UMODL1: variants seen among roughly 807,000 people sequenced by gnomAD.
The protein encoded by UMODL1 is uromodulin-like 1.
Under a neutral mutation model 136.3 loss-of-function variants are expected in UMODL1, and 128 were observed. That is an observed-to-expected ratio of 0.94 (90% CI 0.81 to 1.09). The LOEUF is 1.09. UMODL1 is among the 50% of genes least tolerant of loss of function. The pLI is 0.00. For synonymous variants in UMODL1, 721 were observed against 720.0 expected, an observed-to-expected ratio of 1.00 and a Z score of -0.02; for missense variants, 1,766 against 1,725.6, an observed-to-expected ratio of 1.02 and a Z score of -0.41.
intron 2 of UMODL1, among the ~76,000 whole-genome samples, chr21:42,077,326 T>C (rs372991903): frequency 1.1e-4 from 16 of 152,004 alleles, no homozygotes; most frequent in East Asian, 3.9e-4. Flanking sequence ...GAAAACGCCA[T>C]ACTTTGAGAC....
chr21:42,106,048 C>T (rs1267878846), intron 9 of UMODL1, among the ~76,000 whole-genome samples: 3 of 152,286 alleles, frequency 2.0e-5, no homozygotes, highest in South Asian at 2.1e-4. Flanking sequence ...GGTGCTGGTG[C>T]GGGCAGGTCT....
Position 42,109,652 on chromosome 21 carries a change from G to T in UMODL1, c.1610G>T (p.Arg537Leu), listed in dbSNP as rs200089575. The change falls in exon 10 of 23, where the codon CGT becomes CTT. Residue 537 changes from arginine to leucine, a missense_variant. By Grantham distance (102) the Arg-to-Leu change is moderately radical. Coordinates refer to ENST00000408910, the MANE Select transcript of UMODL1 (RefSeq NM_001004416.3). Reference protein sequence around the residue: ...NLEGSYTCQCRTTRDATPSRA... With the variant: ...NLEGSYTCQCLTTRDATPSRA... ...GAGGGCTCCTACACCTGCCAGTGCC[G>T]TACCACCAGGGACGCCACCCCCTCC... is the stretch of plus-strand genomic sequence containing the variant. 2 of 1,608,842 alleles carry T rather than the reference G, an allele frequency of 1.2e-6. No homozygotes were observed. The highest frequency in any genetic ancestry group is 1.3e-5 in the African/African-American group (1 of 75,026).
chr21:42,109,553 C>T lies in UMODL1; in HGVS notation c.1520-9C>T, dbSNP rs771361663. 6.2e-7 allele frequency: 1 copy of T among 1,610,246 alleles called. No individual in the cohort carries two copies. The highest frequency in any genetic ancestry group is 8.5e-7 in the Non-Finnish European group (1 of 1,179,954). ...TCTCATGGGTTTTGATTGTGTCTCC[C>T]CCTGGCAGACTGGGACGAGTGTGTG... is the stretch of plus-strand genomic sequence containing the variant. On this transcript the variant is annotated splice_polypyrimidine_tract_variant and intron_variant, in intron 9 of 22. Coordinates refer to ENST00000408910, the MANE Select transcript of UMODL1 (RefSeq NM_001004416.3).
intron 9 of UMODL1, among the ~76,000 whole-genome samples, chr21:42,108,752 GC>G (rs1220478036): frequency 1.3e-5 from 2 of 149,446 alleles, no homozygotes; most frequent in African/African-American, 4.9e-5. Context: ...CCTCAGGCGG[GC>G]CCCCCGGTGA....
chr21:42,113,365 A>G (rs368840096), intron 12 of UMODL1, among the ~76,000 whole-genome samples: 23 of 152,240 alleles, frequency 1.5e-4, no homozygotes, highest in African/African-American at 5.5e-4. Flanking sequence ...ATTTGCTATC[A>G]TCCCAAGGAG....
At position 42,099,384 on chromosome 21, in the gene UMODL1, C is replaced by T. The variant is rs1415903044; in HGVS notation, c.1186+204C>T. 6.6e-6 allele frequency among the ~76,000 whole-genome samples: 1 copy of T among 152,172 alleles called. No homozygotes were observed. Among genetic ancestry groups the T allele is most frequent in the Non-Finnish European group, 1.5e-5 (1 of 68,024 alleles). ...CCGCTGGTGCCTTCACTGGCTCCCT[C>T]GCTTCCCTACATGTCGTCCTGTTAG... is the stretch of plus-strand genomic sequence containing the variant. On this transcript the variant is annotated intron_variant, in intron 7 of 22. Coordinates refer to ENST00000408910, the MANE Select transcript of UMODL1 (RefSeq NM_001004416.3). This position sits in a 1 kb window ranked among gnomAD's most constrained non-coding sequence, Gnocchi z 4.1.
At chr21:42,120,681 A>C (rs17114410) in intron 15 of UMODL1, 2,373 of 161,532 alleles carry the variant, frequency 0.015, 38 homozygotes, top group African/African-American at 0.035. Context: ...TGCTGTCAAC[A>C]ATCAACCCAG....
At chr21:42,086,138 A>G (rs1601191553) in intron 4 of UMODL1, among the ~76,000 whole-genome samples, 1 of 152,108 alleles carries the variant, frequency 6.6e-6, no homozygotes, top group African/African-American at 2.4e-5. Context: ...GCGTGTCCCC[A>G]AGGCCGCCCT....
chr21:42,133,922 C>T (rs111498610), intron 21 of UMODL1, among the ~76,000 whole-genome samples: 6,271 of 58,378 alleles, frequency 0.11, 195 homozygotes, highest in Middle Eastern at 0.24. Context: ...TGTTTTGTTT[C>T]GTTTTGTTTT....
chr21:42,090,333 T>A lies in UMODL1; in HGVS notation c.826T>A (p.Cys276Ser). The A allele has an allele frequency of 1.9e-6, 3 of 1,614,176 alleles. No individual in the cohort carries two copies. The highest frequency in any genetic ancestry group is 2.5e-6 in the Non-Finnish European group (3 of 1,180,042). ...NECFYEELNA[C>S]SGRELCANLE... ...GTGTTTCTATGAGGAGCTCAATGCC[T>A]GCTCTGGAAGGGAACTGTGCGCAAA... The change falls in exon 6 of 23, where the codon TGC becomes AGC. Residue 276 changes from cysteine to serine, a missense_variant. Cys to Ser is a moderately radical substitution (Grantham distance 112, BLOSUM62 -1). Transcript: ENST00000408910.
Position 42,142,440 on chromosome 21 carries a change from A to G in UMODL1, c.*366A>G, listed in dbSNP as rs2236704. On this transcript the variant is annotated 3_prime_UTR_variant, in exon 23 of 23. Coordinates refer to ENST00000408910, the MANE Select transcript of UMODL1 (RefSeq NM_001004416.3). ...GCAGCCTAGACCTCCCAGGCCTGTG[A>G]CCCTCCACACCAGCCCTCAGAACCC... 0.038 allele frequency: 5,840 copies of G among 152,146 alleles called. 204 individuals carry two copies. Among genetic ancestry groups the G allele is most frequent in the East Asian group, 0.18 (949 of 5,162 alleles). 9.4% of individuals were successfully genotyped at this position (152,146 alleles called of 1,614,324 possible).
At chr21:42,063,601 C>T (rs958685535) in intron 1 of UMODL1, among the ~76,000 whole-genome samples, 1 of 144,620 alleles carries the variant, frequency 6.9e-6, no homozygotes, top group Admixed American at 6.8e-5. Flanking sequence ...CTCACCTGAT[C>T]GTTAGGACAG....
chr21:42,122,973 G>C lies in UMODL1; in HGVS notation c.2970G>C (p.Arg990Ser). The change falls in exon 17 of 23, where the codon AGG becomes AGC. Residue 990 changes from arginine to serine, a missense_variant. Transcript: ENST00000408910. This position sits in a 1 kb window ranked among gnomAD's most constrained non-coding sequence, Gnocchi z 4.3. Reference protein sequence around the residue: ...PQRLNLTGAVRVLCEIEKVVV... With the variant: ...PQRLNLTGAVSVLCEIEKVVV... ...GGCTGAACCTGACCGGAGCAGTCAG[G>C]GTGCTCTGTGAGATCGAGAAGGTGG... 1.2e-6 allele frequency: 2 copies of C among 1,614,014 alleles called. No homozygotes were observed. Among genetic ancestry groups the C allele is most frequent in the Non-Finnish European group, 1.7e-6 (2 of 1,180,030 alleles).
At chr21:42,104,139 C>A (rs2066680825) in intron 9 of UMODL1, 52 bp downstream of exon 9, 2 of 1,529,364 alleles carry the variant, frequency 1.3e-6, no homozygotes, top group Non-Finnish European at 1.8e-6. Context: ...CTCAGAAATC[C>A]TCTTGGTGAC....
At chr21:42,070,274 A>G (rs2066218221), upstream of UMODL1, among the ~76,000 whole-genome samples, 1 of 152,256 alleles carries the variant, frequency 6.6e-6, no homozygotes, top group Admixed American at 6.5e-5. Context: ...CAGTAAAATC[A>G]ACAAGATCTT....
At chr21:42,113,914 A>G (rs898309058) in intron 13 of UMODL1, 84 bp downstream of exon 13, 1 of 1,518,838 alleles carries the variant, frequency 6.6e-7, no homozygotes, top group Non-Finnish European at 8.9e-7. Context: ...AGAGAGCTGG[A>G]TTTGTTTATG....
chr21:42,137,754 CTG>C, intron 22 of UMODL1, 113 bp downstream of exon 22: 1 of 1,143,758 alleles, frequency 8.7e-7, no homozygotes, highest in Non-Finnish European at 1.2e-6. Flanking sequence ...GAGGTGTAGG[CTG>C]ACAGGAAGGT....
chr21:42,122,921 G>GC lies in UMODL1; in HGVS notation c.2922dup (p.Thr975HisfsTer20), dbSNP rs1354793575. On this transcript the variant is annotated frameshift_variant, in exon 17 of 23. Transcript: ENST00000408910. LOFTEE classifies it high-confidence loss of function. The surrounding 1 kb of genome is among the most constrained non-coding windows in gnomAD (Gnocchi z 4.3). Reference sequence around the variant, plus strand: ...AAGGCTGCCTTTGTGCAAGGCACCAGCCCCACCCCCCAAGGCCTGCCCCAG... The same window carrying GC: ...AAGGCTGCCTTTGTGCAAGGCACCAGCCCCCACCCCCCAAGGCCTGCCCCAG... The GC allele has an allele frequency of 6.2e-7, 1 of 1,613,824 alleles. No homozygotes were observed. Among genetic ancestry groups the GC allele is most frequent in the Non-Finnish European group, 8.5e-7 (1 of 1,180,002 alleles).
At chr21:42,141,010 TCGTC>T (rs1195889567) in intron 22 of UMODL1, among the ~76,000 whole-genome samples, 4 of 152,186 alleles carry the variant, frequency 2.6e-5, no homozygotes, top group African/African-American at 9.7e-5. Flanking sequence ...CGCCCCCTCT[TCGTC>T]AGGCAGGCAG....
Sources: allele counts gnomAD v4.1 joint callset (sites outside exome capture counted in the v4.1 genomes callset), GRCh38; gene constraint gnomAD v4.1.1; non-coding constraint Gnocchi (gnomAD v3.1); transcripts MANE v1.5; gene names NCBI Gene and HGNC (gene_info 2026-07-23, HGNC 2026-07-21).